The following IMMP2L variants were observed in gnomAD, a reference collection of about 807,000 sequenced individuals.
IMMP2L encodes mitochondrial inner membrane protease subunit 2.
A neutral mutation model predicts 19.3 loss-of-function variants in IMMP2L; 18 were observed. The ratio of observed to expected loss-of-function variants is 0.93; its 90% CI spans 0.64 to 1.38. The LOEUF is 1.38. IMMP2L is among the 40% of genes most tolerant of loss of function. The pLI is 0.00. For missense variants in IMMP2L, 233 were observed against 218.2 expected (o/e 1.07, Z -0.43); for synonymous variants, 76 against 73.0 (o/e 1.04, Z -0.21).
At chr7:111,109,790 T>C (rs1419514121) in intron 3 of IMMP2L, among the ~76,000 whole-genome samples, 1 of 152,198 alleles carries the variant, frequency 6.6e-6, no homozygotes, top group African/African-American at 2.4e-5. Flanking sequence ...TTTCATTGTT[T>C]GTTGCTATTG....
chr7:110,911,990 G>A (rs1813107695), intron 4 of IMMP2L, among the ~76,000 whole-genome samples: 1 of 152,042 alleles, frequency 6.6e-6, no homozygotes, highest in Admixed American at 6.6e-5. Flanking sequence ...TATAGTACAT[G>A]CAATGTTTAA....
chr7:111,519,463 T>G (rs1846155151), intron 2 of IMMP2L, among the ~76,000 whole-genome samples: 1 of 152,164 alleles, frequency 6.6e-6, no homozygotes, highest in Admixed American at 6.5e-5. Flanking sequence ...TTCTTAGGGA[T>G]AGGGCCTAGG....
chr7:111,169,239 T>C (rs1806170117), intron 3 of IMMP2L, among the ~76,000 whole-genome samples: 1 of 151,848 alleles, frequency 6.6e-6, no homozygotes, highest in Non-Finnish European at 1.5e-5. Flanking sequence ...ATGCCTGCAG[T>C]GCAGTCATTA....
chr7:111,020,084 A>AT (rs199754969), intron 3 of IMMP2L, among the ~76,000 whole-genome samples: 138 of 143,462 alleles, frequency 9.6e-4, no homozygotes, highest in Non-Finnish European at 1.5e-3. Context: ...GGATACAACA[A>AT]TTAAAAAAAA....
chr7:111,310,110 C>T (rs1823343599), intron 3 of IMMP2L, among the ~76,000 whole-genome samples: 1 of 151,736 alleles, frequency 6.6e-6, no homozygotes, highest in Non-Finnish European at 1.5e-5. Flanking sequence ...TGGTGTGTGC[C>T]TGTAATCCCA....
At chr7:111,065,924 G>A (rs560568366) in intron 3 of IMMP2L, among the ~76,000 whole-genome samples, 2 of 150,506 alleles carry the variant, frequency 1.3e-5, no homozygotes, top group East Asian at 2.0e-4. Flanking sequence ...GCGCGCGCGT[G>A]TATGCGCGCG....
intron 3 of IMMP2L, among the ~76,000 whole-genome samples, chr7:111,382,394 GA>G (rs1831286419): frequency 6.6e-6 from 1 of 152,058 alleles, no homozygotes; most frequent in Non-Finnish European, 1.5e-5. Context: ...AGAGATCACT[GA>G]TGACCTTCAT....
intron 2 of IMMP2L, among the ~76,000 whole-genome samples, chr7:111,498,809 T>A (rs553966663): frequency 5.9e-5 from 9 of 152,220 alleles, no homozygotes; most frequent in Admixed American, 4.6e-4. Context: ...CCAGTCAGCA[T>A]CCTAACACTA....
At chr7:111,229,612 T>G (rs888410248) in intron 3 of IMMP2L, among the ~76,000 whole-genome samples, 6 of 152,036 alleles carry the variant, frequency 3.9e-5, no homozygotes, top group Non-Finnish European at 8.8e-5. Context: ...GTGGTTTAAG[T>G]GCTTAACTTA....
intron 5 of IMMP2L, among the ~76,000 whole-genome samples, chr7:110,765,016 T>C (rs1249305354): frequency 2.0e-5 from 3 of 152,070 alleles, no homozygotes; most frequent in African/African-American, 7.2e-5. Context: ...AAACCTCAAT[T>C]TTTACATCTA....
chr7:110,712,953 C>T (rs1794990483), intron 5 of IMMP2L, among the ~76,000 whole-genome samples: 1 of 150,808 alleles, frequency 6.6e-6, no homozygotes, highest in Non-Finnish European at 1.5e-5. Context: ...GATGGAAATG[C>T]AGAAATCACC....
At chr7:111,165,245 T>G (rs1805696532) in intron 3 of IMMP2L, among the ~76,000 whole-genome samples, 1 of 152,080 alleles carries the variant, frequency 6.6e-6, no homozygotes, top group Non-Finnish European at 1.5e-5. Context: ...GTAGCATATG[T>G]CCGAACTTTC....
intron 5 of IMMP2L, among the ~76,000 whole-genome samples, chr7:110,732,526 G>T (rs548739628): frequency 4.2e-4 from 53 of 126,430 alleles, no homozygotes; most frequent in Admixed American, 8.9e-4. Flanking sequence ...AATAGACACA[G>T]ATAGAAAGAA....
intron 3 of IMMP2L, among the ~76,000 whole-genome samples, chr7:111,061,126 T>A (rs1011519459): frequency 2.0e-5 from 3 of 151,864 alleles, no homozygotes; most frequent in Non-Finnish European, 4.4e-5. Flanking sequence ...GACGGAGGAG[T>A]TTCATGCTGG....
At position 111,408,386 on chromosome 7, in the gene IMMP2L, A is replaced by G. The variant is rs961419137; in HGVS notation, c.239+78852T>C. ...TGCTCATGATCTAATCTACTGAATC[A>G]CTATGTTCATACAGACACAGAAATA... On this transcript the variant is annotated intron_variant, in intron 3 of 5. Transcript: ENST00000405709. 4.0e-5 allele frequency among the ~76,000 whole-genome samples: 6 copies of G among 151,782 alleles called. 1 individual carries two copies. The highest frequency in any genetic ancestry group is 1.5e-4 in the African/African-American group (6 of 41,200).
chr7:111,037,435 C>T (rs989909687), intron 3 of IMMP2L, among the ~76,000 whole-genome samples: 2 of 152,004 alleles, frequency 1.3e-5, no homozygotes, highest in Non-Finnish European at 2.9e-5. Flanking sequence ...CATGAGTCTC[C>T]TTGGATAGGT....
At chr7:111,164,045 A>G (rs1384806865) in intron 3 of IMMP2L, among the ~76,000 whole-genome samples, 2 of 148,502 alleles carry the variant, frequency 1.3e-5, no homozygotes, top group Non-Finnish European at 3.0e-5. Context: ...AAAACAGAAC[A>G]CTGGTAAAGG....
intron 5 of IMMP2L, among the ~76,000 whole-genome samples, chr7:110,869,096 C>T (rs552082296): frequency 7.9e-5 from 12 of 151,992 alleles, no homozygotes; most frequent in Admixed American, 7.9e-4. Context: ...CTTGGTCATA[C>T]GCAACAGAAA....
chr7:110,908,877 A>G (rs1812749005), intron 4 of IMMP2L, among the ~76,000 whole-genome samples: 1 of 152,262 alleles, frequency 6.6e-6, no homozygotes, highest in African/African-American at 2.4e-5. Context: ...GGATGCAAAA[A>G]TGTGCAAAAA....
Sources: gnomAD v4.1 joint callset for allele counts (sites outside exome capture counted in the v4.1 genomes callset) on GRCh38, gnomAD v4.1.1 for gene constraint, MANE v1.5 for transcripts, NCBI Gene and HGNC (gene_info 2026-07-23, HGNC 2026-07-21) for gene names.